Variants in NEGR1 observed in about 807,000 individuals in gnomAD.
NEGR1 encodes the protein neuronal growth regulator 1, also known as IgLON family member 4.
A neutral mutation model predicts 40.9 loss-of-function variants in NEGR1; 10 were observed. That is an observed-to-expected ratio of 0.24 (90% confidence interval 0.15 to 0.42). NEGR1 has a LOEUF of 0.42. Ranked by LOEUF, NEGR1 falls within the 10% of genes least tolerant of loss-of-function variation. The pLI is 1.00. For missense variants in NEGR1, 352 were observed against 438.9 expected (o/e 0.80, Z 1.77); for synonymous variants, 185 against 166.8 (o/e 1.11, Z -0.84).
intron 2 of NEGR1, among the ~76,000 whole-genome samples, chr1:71,782,369 A>G (rs55847536): frequency 0.3 from 46,044 of 152,042 alleles, 8,681 homozygotes; most frequent in Middle Eastern, 0.44. Flanking sequence ...CATTTTTTAT[A>G]GCGCCTGAAT....
At chr1:72,161,241 C>T (rs915458517) in intron 1 of NEGR1, among the ~76,000 whole-genome samples, 6 of 152,096 alleles carry the variant, frequency 3.9e-5, no homozygotes, top group Admixed American at 2.6e-4. Context: ...GAAGAAGATA[C>T]CAGGTGGTGG....
At chr1:72,188,917 C>A (rs1410212027) in intron 1 of NEGR1, among the ~76,000 whole-genome samples, 2 of 151,560 alleles carry the variant, frequency 1.3e-5, no homozygotes, top group Non-Finnish European at 3.0e-5. Flanking sequence ...GGGATTAATT[C>A]TTAACCTTTA....
At chr1:71,499,203 T>C (rs1030645501) in intron 6 of NEGR1, among the ~76,000 whole-genome samples, 12 of 152,130 alleles carry the variant, frequency 7.9e-5, no homozygotes, top group Non-Finnish European at 1.8e-4. Flanking sequence ...TTGGGATTTA[T>C]TGGGCTCATG....
chr1:71,782,168 T>C (rs565530346), intron 2 of NEGR1, among the ~76,000 whole-genome samples: 1 of 152,158 alleles, frequency 6.6e-6, no homozygotes, highest in South Asian at 2.1e-4. Context: ...GGTGATTAGA[T>C]CATGAAGGGA....
intron 1 of NEGR1, among the ~76,000 whole-genome samples, chr1:72,190,306 GTA>G (rs1211201898): frequency 1.3e-5 from 2 of 151,480 alleles, no homozygotes; most frequent in East Asian, 1.9e-4. Flanking sequence ...TTACTTGTGT[GTA>G]TATATGTTTA....
intron 6 of NEGR1, among the ~76,000 whole-genome samples, chr1:71,543,307 C>T (rs938910241): frequency 3.3e-5 from 5 of 151,674 alleles, no homozygotes; most frequent in Non-Finnish European, 5.9e-5. Context: ...TAGTCACACA[C>T]CCCAACCAAA....
chr1:72,063,290 A>C (rs1647205717), intron 1 of NEGR1, among the ~76,000 whole-genome samples: 2 of 151,906 alleles, frequency 1.3e-5, no homozygotes, highest in Admixed American at 1.3e-4. Context: ...GGGTTCAGAT[A>C]ATATAATTGA....
intron 3 of NEGR1, among the ~76,000 whole-genome samples, chr1:71,737,802 A>C (rs1348086524): frequency 6.6e-6 from 1 of 152,156 alleles, no homozygotes; most frequent in African/African-American, 2.4e-5. Context: ...AGAAGGTGAA[A>C]AGTGGATCCA....
intron 6 of NEGR1, among the ~76,000 whole-genome samples, chr1:71,549,589 A>C (rs1648009776): frequency 6.6e-6 from 1 of 151,644 alleles, no homozygotes; most frequent in Non-Finnish European, 1.5e-5. Context: ...AAACTACGGC[A>C]CAGTGCAGTA....
Position 72,268,321 on chromosome 1 carries a change from A to T in NEGR1, c.176+13998T>A, listed in dbSNP as rs539545090. On this transcript the variant is annotated intron_variant, in intron 1 of 6. Transcript: ENST00000357731. Reference sequence around the variant, plus strand: ...TTATAGTGTTCACAATAAGTATGGGAGTAGCTCTCAGTATTTCCATTTTAC... The same window carrying T: ...TTATAGTGTTCACAATAAGTATGGGTGTAGCTCTCAGTATTTCCATTTTAC... Among the ~76,000 whole-genome samples, 20 of 151,594 alleles carry T rather than the reference A, an allele frequency of 1.3e-4. No individual in the cohort carries two copies. In the South Asian group the frequency reaches 3.9e-3, roughly 30 times the overall value.
intron 1 of NEGR1, among the ~76,000 whole-genome samples, chr1:72,017,675 T>G (rs1283404486): frequency 6.9e-6 from 1 of 145,494 alleles, no homozygotes; most frequent in African/African-American, 2.5e-5. Flanking sequence ...AATCCAATTA[T>G]TTTTTTTTTT....
intron 6 of NEGR1, among the ~76,000 whole-genome samples, chr1:71,423,155 A>G (rs961356091): frequency 1.3e-5 from 2 of 152,174 alleles, no homozygotes; most frequent in African/African-American, 4.8e-5. Context: ...TGGGAGGCTG[A>G]CGCAGGAGGA....
At chr1:71,589,301 G>C (rs1649419192) in intron 6 of NEGR1, among the ~76,000 whole-genome samples, 1 of 152,098 alleles carries the variant, frequency 6.6e-6, no homozygotes, top group African/African-American at 2.4e-5. Flanking sequence ...TGCTTCTGCA[G>C]GATGCTTCTC....
chr1:71,849,758 C>A (rs896862007), intron 2 of NEGR1, among the ~76,000 whole-genome samples: 1 of 152,142 alleles, frequency 6.6e-6, no homozygotes, highest in African/African-American at 2.4e-5. Context: ...AACATGGAGG[C>A]AAGATCCTCC....
At position 72,027,556 on chromosome 1, in the gene NEGR1, A is replaced by G. The variant is rs552349662; in HGVS notation, c.177-92245T>C. 1.1e-3 allele frequency among the ~76,000 whole-genome samples: 168 copies of G among 152,038 alleles called. 1 individual carries two copies. Among genetic ancestry groups the G allele is most frequent in the Non-Finnish European group, 1.5e-3 (105 of 68,012 alleles). On this transcript the variant is annotated intron_variant, in intron 1 of 6. Transcript: ENST00000357731. Reference sequence around the variant, plus strand: ...ACCAGGTATAAATAATAATTAAAAAATAATATATAAAAAATATTAAATCTG... The same window carrying G: ...ACCAGGTATAAATAATAATTAAAAAGTAATATATAAAAAATATTAAATCTG...
intron 6 of NEGR1, among the ~76,000 whole-genome samples, chr1:71,456,150 C>T (rs906631128): frequency 6.6e-6 from 1 of 152,086 alleles, no homozygotes; most frequent in African/African-American, 2.4e-5. Context: ...TGCTTAGGTA[C>T]AACAAAGAGA....
chr1:71,688,692 G>A (rs1043758660), intron 4 of NEGR1, among the ~76,000 whole-genome samples: 2 of 151,804 alleles, frequency 1.3e-5, no homozygotes, highest in Admixed American at 1.3e-4. Flanking sequence ...CCTAACCTGA[G>A]GTGATCCACC....
intron 1 of NEGR1, among the ~76,000 whole-genome samples, chr1:71,968,370 G>A (rs967885199): frequency 1.3e-5 from 2 of 152,036 alleles, no homozygotes; most frequent in African/African-American, 2.4e-5. Context: ...GATTTGTTGC[G>A]GTCAGTTAGT....
chr1:71,807,951 T>G (rs1657840448), intron 2 of NEGR1, among the ~76,000 whole-genome samples: 1 of 152,226 alleles, frequency 6.6e-6, no homozygotes, highest in Non-Finnish European at 1.5e-5. Context: ...AGAAAATATC[T>G]ACTATCTAAT....
Sources: gnomAD v4.1 joint callset for allele counts (sites outside exome capture counted in the v4.1 genomes callset) on GRCh38, gnomAD v4.1.1 for gene constraint, MANE v1.5 for transcripts, NCBI Gene and HGNC (gene_info 2026-07-23, HGNC 2026-07-21) for gene names.